ASAP1: variants seen among roughly 807,000 people sequenced by gnomAD.
ASAP1 encodes ArfGAP with SH3 domain, ankyrin repeat and PH domain 1.
A neutral mutation model predicts 145.2 loss-of-function variants in ASAP1; 43 were observed. That is an observed-to-expected ratio of 0.30 (90% confidence interval 0.23 to 0.38). The LOEUF is 0.38. Ranked by LOEUF, ASAP1 falls within the 10% of genes least tolerant of loss-of-function variation. The probability of loss-of-function intolerance (pLI) is 1.00; values close to 1 mark genes in which losing one functional copy is unlikely to be tolerated. For missense variants in ASAP1, 1,018 were observed against 1,355.3 expected, an observed-to-expected ratio of 0.75 and a Z score of 3.91; for synonymous variants, 546 against 515.5, an observed-to-expected ratio of 1.06 and a Z score of -0.80.
At chr8:130,372,007 T>C (rs541086336) in intron 2 of ASAP1, among the ~76,000 whole-genome samples, 2 of 152,220 alleles carry the variant, frequency 1.3e-5, no homozygotes, top group Non-Finnish European at 2.9e-5. Context: ...ACTAGTCCTC[T>C]GTGTTTGGGA....
chr8:130,392,555 GA>G (rs1565276898), intron 2 of ASAP1, among the ~76,000 whole-genome samples: 1 of 152,220 alleles, frequency 6.6e-6, no homozygotes, highest in African/African-American at 2.4e-5. Context: ...TATGTATGAG[GA>G]AAGTACTGTT....
At chr8:130,194,304 A>T (rs183089950) in intron 5 of ASAP1, among the ~76,000 whole-genome samples, 88 of 152,338 alleles carry the variant, frequency 5.8e-4, no homozygotes, top group Non-Finnish European at 1.0e-3. Flanking sequence ...GTCATTATAA[A>T]GGCACAAAGA....
At chr8:130,264,234 A>G (rs1474725242) in intron 3 of ASAP1, among the ~76,000 whole-genome samples, 1 of 152,226 alleles carries the variant, frequency 6.6e-6, no homozygotes, top group Non-Finnish European at 1.5e-5. Flanking sequence ...AGGCTCCTAA[A>G]TAGGATTGGA....
intron 5 of ASAP1, among the ~76,000 whole-genome samples, chr8:130,204,684 T>C (rs1253175996): frequency 6.6e-6 from 1 of 152,220 alleles, no homozygotes; most frequent in Non-Finnish European, 1.5e-5. Context: ...AGTCTCTCTC[T>C]TCCCCTGTAG....
At chr8:130,182,865 A>C (rs1814460755) in intron 7 of ASAP1, among the ~76,000 whole-genome samples, 1 of 151,170 alleles carries the variant, frequency 6.6e-6, no homozygotes, top group African/African-American at 2.4e-5. Flanking sequence ...ACTGAGCAAA[A>C]GAGCTCTTAG....
chr8:130,151,033 T>C (rs928216400), intron 13 of ASAP1, among the ~76,000 whole-genome samples: 10 of 152,130 alleles, frequency 6.6e-5, no homozygotes, highest in Non-Finnish European at 1.0e-4. Flanking sequence ...TCATGCATCT[T>C]TGATGCCTAC....
chr8:130,409,052 A>G (rs953591900), intron 1 of ASAP1, among the ~76,000 whole-genome samples: 10 of 152,142 alleles, frequency 6.6e-5, no homozygotes, highest in Non-Finnish European at 1.3e-4. Context: ...ACCTGAGGTC[A>G]GGAGTTCGAG....
At chr8:130,340,043 C>T (rs1034965741) in intron 3 of ASAP1, among the ~76,000 whole-genome samples, 5 of 152,170 alleles carry the variant, frequency 3.3e-5, no homozygotes, top group Non-Finnish European at 7.3e-5. Flanking sequence ...TCTACTGGGT[C>T]GCAGGCTTTG....
At chr8:130,230,500 T>C (rs1205653718) in intron 4 of ASAP1, among the ~76,000 whole-genome samples, 1 of 152,100 alleles carries the variant, frequency 6.6e-6, no homozygotes, top group Non-Finnish European at 1.5e-5. Context: ...TATATTCCCT[T>C]TGGGGGAAAA....
chr8:130,168,891 A>C lies in ASAP1; in HGVS notation c.822+101T>G, dbSNP rs554573265. 8 of 705,588 alleles carry C rather than the reference A, an allele frequency of 1.1e-5. No homozygotes were observed. In the Admixed American group the frequency reaches 2.3e-4, roughly 20 times the overall value. The allele number at this position is 705,588 out of a possible 1,614,324, so 43.7% of individuals were successfully genotyped here. ...CTAGGTTTGTACAGACATATCATTT[A>C]ATCTTTTCTGCTTTTAACACCTTTC... On this transcript the variant is annotated intron_variant, in intron 10 of 29. Transcript: ENST00000518721.
intron 13 of ASAP1, among the ~76,000 whole-genome samples, chr8:130,138,335 C>G (rs573367573): frequency 6.6e-6 from 1 of 152,164 alleles, no homozygotes; most frequent in East Asian, 1.9e-4. Context: ...TATTCCAAAG[C>G]GAACTGCTTT....
intron 3 of ASAP1, among the ~76,000 whole-genome samples, chr8:130,298,877 T>A (rs1219306073): frequency 6.6e-6 from 1 of 152,142 alleles, no homozygotes; most frequent in Non-Finnish European, 1.5e-5. Context: ...TAAACTCCTG[T>A]TTATTCATAT....
chr8:130,281,889 A>AC (rs1242837880), intron 3 of ASAP1, among the ~76,000 whole-genome samples: 2 of 152,214 alleles, frequency 1.3e-5, no homozygotes, highest in East Asian at 1.9e-4. Context: ...ACATAGTGAA[A>AC]CCCCATCTCT....
chr8:130,389,131 CTGT>C (rs199777096), intron 2 of ASAP1, among the ~76,000 whole-genome samples: 5,253 of 152,256 alleles, frequency 0.035, 125 homozygotes, highest in Middle Eastern at 0.065. Context: ...GTTGTTGCTG[CTGT>C]TGTTGTTGTT....
chr8:130,201,365 G>C (rs1442125232), intron 5 of ASAP1, among the ~76,000 whole-genome samples: 1 of 152,138 alleles, frequency 6.6e-6, no homozygotes, highest in African/African-American at 2.4e-5. Flanking sequence ...GGACTGACAA[G>C]ACTGAATTTA....
chr8:130,132,471 T>G (rs1042507596), intron 15 of ASAP1, among the ~76,000 whole-genome samples: 2 of 152,142 alleles, frequency 1.3e-5, no homozygotes, highest in African/African-American at 4.8e-5. Flanking sequence ...GCCTGGAGTA[T>G]AGAGTATTTA....
At chr8:130,077,787 C>G (rs1374694034) in intron 26 of ASAP1, among the ~76,000 whole-genome samples, 2 of 152,134 alleles carry the variant, frequency 1.3e-5, no homozygotes. Flanking sequence ...TTGATCTTCA[C>G]TGCTCTTTCC....
rs955688015 is a variant in ASAP1, at chr8:130,243,748, C to T, written c.187-6754G>A. On this transcript the variant is annotated intron_variant, in intron 3 of 29. Transcript: ENST00000518721. ...CTTGTACCTTCTCTCTTTTTTTCTGCCATTCAGGTCAAATGCCATCTCACA... is the reference window on the plus strand; with the variant it reads ...CTTGTACCTTCTCTCTTTTTTTCTGTCATTCAGGTCAAATGCCATCTCACA... Among the ~76,000 whole-genome samples, 16 of 152,064 alleles carry T rather than the reference C, an allele frequency of 1.1e-4. No individual in the cohort carries two copies. The South Asian group carries it at 3.3e-3, about 31-fold the overall frequency.
intron 2 of ASAP1, among the ~76,000 whole-genome samples, chr8:130,372,747 T>A (rs1005978763): frequency 1.3e-5 from 2 of 152,202 alleles, no homozygotes; most frequent in Non-Finnish European, 2.9e-5. Flanking sequence ...AGGGCAAAAA[T>A]TCTGGTTTTA....
Sources: allele counts gnomAD v4.1 joint callset (sites outside exome capture counted in the v4.1 genomes callset), GRCh38; gene constraint gnomAD v4.1.1; transcripts MANE v1.5; gene names NCBI Gene and HGNC (gene_info 2026-07-23, HGNC 2026-07-21).